Variants in RHBDD1 observed in about 807,000 individuals in gnomAD.
RHBDD1 encodes rhomboid-related protein 4.
RHBDD1 carries 38 observed loss-of-function variants against 36.3 expected under a neutral mutation model. The observed-to-expected ratio is 1.05, with a 90% CI of 0.81 to 1.37. The LOEUF (loss-of-function observed/expected upper bound fraction) is 1.37. Among genes scored for constraint, RHBDD1 ranks in the 40% most tolerant of loss-of-function variants. The probability of loss-of-function intolerance (pLI) is 0.00; values close to 1 mark genes in which losing one functional copy is unlikely to be tolerated. For missense variants in RHBDD1, 393 were observed against 377.6 expected (o/e 1.04, Z -0.34); for synonymous variants, 151 against 136.5 (o/e 1.11, Z -0.74).
chr2:226,972,250 A>G (rs1953673124), intron 8 of RHBDD1, among the ~76,000 whole-genome samples: 1 of 152,198 alleles, frequency 6.6e-6, no homozygotes, highest in Non-Finnish European at 1.5e-5. Flanking sequence ...CCTGCAAAGG[A>G]CATGATCTCA....
At chr2:226,873,357 T>C (rs1371158953) in intron 5 of RHBDD1, among the ~76,000 whole-genome samples, 1 of 152,068 alleles carries the variant, frequency 6.6e-6, no homozygotes, top group East Asian at 1.9e-4. Context: ...ACAACTGATA[T>C]GGGAGGAAGT....
At chr2:226,917,012 T>C (rs954516897) in intron 8 of RHBDD1, among the ~76,000 whole-genome samples, 3 of 152,156 alleles carry the variant, frequency 2.0e-5, no homozygotes, top group Non-Finnish European at 4.4e-5. Context: ...GACTTGAATC[T>C]AGGTACAAAG....
At chr2:226,811,284 A>G in the RHBDD1 span, among the ~76,000 whole-genome samples, 1 of 151,772 alleles carries the variant, frequency 6.6e-6, no homozygotes, top group Non-Finnish European at 1.5e-5. Context: ...GGGGAAAGAG[A>G]TGATCCTAAA....
intron 5 of RHBDD1, among the ~76,000 whole-genome samples, chr2:226,891,352 A>G (rs1011477313): frequency 9.9e-5 from 15 of 152,208 alleles, no homozygotes; most frequent in Non-Finnish European, 1.5e-5. Context: ...GCAGCTCACA[A>G]TGTGGTACCT....
intron 8 of RHBDD1, among the ~76,000 whole-genome samples, chr2:226,985,513 T>G (rs1956737756): frequency 6.6e-6 from 1 of 152,274 alleles, no homozygotes; most frequent in East Asian, 1.9e-4. Flanking sequence ...CATAGGCCTC[T>G]GGTTCCACCT....
intron 3 of RHBDD1, among the ~76,000 whole-genome samples, chr2:226,844,195 T>A (rs1941968614): frequency 6.6e-6 from 1 of 152,212 alleles, no homozygotes; most frequent in South Asian, 2.1e-4. Context: ...ACTTTTAAAT[T>A]CCAGGGAAAT....
chr2:226,974,339 G>A (rs1030520745), intron 8 of RHBDD1, among the ~76,000 whole-genome samples: 5 of 151,890 alleles, frequency 3.3e-5, no homozygotes, highest in Admixed American at 6.6e-5. Context: ...CTGGGTTCAC[G>A]CCATTCTTCT....
intron 8 of RHBDD1, among the ~76,000 whole-genome samples, chr2:226,961,262 C>T (rs989896170): frequency 1.3e-5 from 2 of 152,108 alleles, no homozygotes; most frequent in Non-Finnish European, 2.9e-5. Flanking sequence ...ATATTATACC[C>T]TCCTCGTGGG....
intron 8 of RHBDD1, among the ~76,000 whole-genome samples, chr2:226,985,024 C>T (rs1956631885): frequency 6.6e-6 from 1 of 152,096 alleles, no homozygotes; most frequent in Admixed American, 6.5e-5. Context: ...TAACCAGTAC[C>T]ACCTGATTAG....
At chr2:226,957,068 A>T (rs1951833289) in intron 8 of RHBDD1, among the ~76,000 whole-genome samples, 2 of 152,218 alleles carry the variant, frequency 1.3e-5, no homozygotes, top group Non-Finnish European at 2.9e-5. Flanking sequence ...CTTAGCAAAA[A>T]TCGATTCTAT....
intron 3 of RHBDD1, among the ~76,000 whole-genome samples, chr2:226,858,559 T>A (rs561925091): frequency 1.1e-4 from 17 of 152,322 alleles, no homozygotes; most frequent in Admixed American, 9.8e-4. Flanking sequence ...CATTTAAATC[T>A]GGAAATTGAG....
the RHBDD1 span, among the ~76,000 whole-genome samples, chr2:226,829,752 T>C: frequency 6.6e-6 from 1 of 152,022 alleles, no homozygotes; most frequent in Non-Finnish European, 1.5e-5. Flanking sequence ...TGTGCGTGTG[T>C]ATGTATGTGT....
At chr2:226,917,581 A>G (rs1575093250) in intron 8 of RHBDD1, among the ~76,000 whole-genome samples, 1 of 152,278 alleles carries the variant, frequency 6.6e-6, no homozygotes, top group African/African-American at 2.4e-5. Context: ...GTTACGTTCT[A>G]AAACTCCTCA....
intron 8 of RHBDD1, among the ~76,000 whole-genome samples, chr2:226,960,355 G>C (rs115816654): frequency 0.019 from 2,825 of 152,224 alleles, 86 homozygotes; most frequent in African/African-American, 0.065. Flanking sequence ...GTGTTGATAA[G>C]TCTGTTACTT....
intron 5 of RHBDD1, among the ~76,000 whole-genome samples, chr2:226,905,033 A>G (rs895538387): frequency 2.6e-5 from 4 of 152,066 alleles, no homozygotes; most frequent in Non-Finnish European, 5.9e-5. Flanking sequence ...TGGAATACAT[A>G]TGTAAAAGCC....
At chr2:226,984,616 C>T (rs953023036) in intron 8 of RHBDD1, among the ~76,000 whole-genome samples, 9 of 152,158 alleles carry the variant, frequency 5.9e-5, no homozygotes, top group Admixed American at 2.0e-4. Context: ...TGAGCCTAGG[C>T]GGACCAGGCA....
intron 3 of RHBDD1, among the ~76,000 whole-genome samples, chr2:226,840,884 G>GT (rs954615541): frequency 1.8e-4 from 27 of 148,156 alleles, no homozygotes; most frequent in South Asian, 2.2e-4. Context: ...TATAATTTGG[G>GT]TTTTTTTTTT....
At chr2:226,892,546 T>C (rs1450338683) in intron 5 of RHBDD1, among the ~76,000 whole-genome samples, 1 of 152,228 alleles carries the variant, frequency 6.6e-6, no homozygotes, top group Non-Finnish European at 1.5e-5. Flanking sequence ...TCTTTTGAAA[T>C]AAGTTCATGT....
chr2:226,820,211 T>C, the RHBDD1 span, among the ~76,000 whole-genome samples: 5 of 152,194 alleles, frequency 3.3e-5, no homozygotes, highest in African/African-American at 1.2e-4. Flanking sequence ...CAGCACACAC[T>C]CAATAAATTA....
Sources: gnomAD v4.1 joint callset for allele counts (sites outside exome capture counted in the v4.1 genomes callset) on GRCh38, gnomAD v4.1.1 for gene constraint, MANE v1.5 for transcripts, NCBI Gene and HGNC (gene_info 2026-07-23, HGNC 2026-07-21) for gene names.